Variants in PCNT observed in about 807,000 individuals in gnomAD.
The protein encoded by PCNT is kendrin.
In PCNT, 319 loss-of-function variants were observed where a neutral mutation model predicts 380.4. That is an observed-to-expected ratio of 0.84 (90% CI 0.77 to 0.92). The LOEUF (loss-of-function observed/expected upper bound fraction) is 0.92. Among genes scored for constraint, PCNT ranks in the 40% least tolerant of loss-of-function variants. The pLI is 0.00. For synonymous variants in PCNT, 1,845 were observed against 1,735.2 expected (o/e 1.06, Z -1.57); for missense variants, 4,400 against 4,255.3 (o/e 1.03, Z -0.95).
chr21:46,395,120 C>T (rs2086164515), intron 21 of PCNT, among the ~76,000 whole-genome samples: 2 of 152,332 alleles, frequency 1.3e-5, no homozygotes, highest in Middle Eastern at 6.8e-3. Flanking sequence ...ATGTTTACAG[C>T]GGACTCGCCG....
At chr21:46,418,631 A>T (rs938725307) in intron 31 of PCNT, among the ~76,000 whole-genome samples, 3 of 152,194 alleles carry the variant, frequency 2.0e-5, no homozygotes, top group African/African-American at 7.2e-5. Context: ...TGGAAAAGAC[A>T]CCCCAGCTCA....
intron 13 of PCNT, among the ~76,000 whole-genome samples, chr21:46,360,980 T>C (rs1023698254): frequency 6.6e-6 from 1 of 152,240 alleles, no homozygotes; most frequent in Non-Finnish European, 1.5e-5. Flanking sequence ...TGCTTTTTCT[T>C]TTTTCTTGTG....
At chr21:46,377,561 A>G (rs995702626) in intron 15 of PCNT, among the ~76,000 whole-genome samples, 1 of 152,190 alleles carries the variant, frequency 6.6e-6, no homozygotes, top group Admixed American at 6.5e-5. Flanking sequence ...AGTTTATTCT[A>G]AAATATTTCA....
At chr21:46,386,439 A>T (rs9981445) in intron 17 of PCNT, among the ~76,000 whole-genome samples, 1 of 152,080 alleles carries the variant, frequency 6.6e-6, no homozygotes, top group Non-Finnish European at 1.5e-5. Flanking sequence ...AGACCGGCCC[A>T]AGCAGGGGCC....
At chr21:46,385,032 T>G (rs1000807981) in intron 16 of PCNT, among the ~76,000 whole-genome samples, 4 of 152,206 alleles carry the variant, frequency 2.6e-5, no homozygotes, top group African/African-American at 9.7e-5. Context: ...CTTGCAAAAC[T>G]GAACTCTGTC....
At chr21:46,427,908 C>A in intron 34 of PCNT, 113 bp downstream of exon 34, 1 of 1,190,232 alleles carries the variant, frequency 8.4e-7, no homozygotes, top group Non-Finnish European at 1.2e-6. Flanking sequence ...TTTCTCTCGA[C>A]CGCTGGAATG....
intron 21 of PCNT, among the ~76,000 whole-genome samples, chr21:46,391,940 G>T (rs74966935): frequency 0.023 from 3,464 of 152,322 alleles, 64 homozygotes; most frequent in Non-Finnish European, 0.034. Flanking sequence ...TCTCAGGCAC[G>T]TGGGAGGCAG....
At position 46,445,624 on chromosome 21, in the gene PCNT, T is replaced by G. The variant is rs2053732157; in HGVS notation, c.*297T>G. 4.6e-6 allele frequency: 2 copies of G among 434,526 alleles called. No homozygotes were observed. The highest frequency in any genetic ancestry group is 8.2e-6 in the Non-Finnish European group (2 of 243,480). 26.9% of individuals were successfully genotyped at this position (434,526 alleles called of 1,614,324 possible). A position where few individuals can be genotyped will look rare whatever the true frequency, so the allele number is the denominator to read the frequency against. ...GTGTGCCTATCGGCAGATCCATCCTTCCTGCCTCCAAGGAGGATACACAGA... is the reference window on the plus strand; with the variant it reads ...GTGTGCCTATCGGCAGATCCATCCTGCCTGCCTCCAAGGAGGATACACAGA... On this transcript the variant is annotated 3_prime_UTR_variant, in exon 47 of 47. Coordinates refer to ENST00000359568, the MANE Select transcript of PCNT (RefSeq NM_006031.6).
chr21:46,354,923 G>T (rs759151419), intron 11 of PCNT, among the ~76,000 whole-genome samples: 3 of 152,198 alleles, frequency 2.0e-5, no homozygotes. Flanking sequence ...ACCTTCCCAC[G>T]AGCAGGCCTT....
At chr21:46,428,655 G>A in intron 35 of PCNT, 65 bp downstream of exon 35, 1 of 1,396,700 alleles carries the variant, frequency 7.2e-7, no homozygotes, top group Non-Finnish European at 9.8e-7. Context: ...ACACTCACCT[G>A]TGTGGCCTTG....
At chr21:46,360,711 G>A (rs1304628276) in intron 13 of PCNT, among the ~76,000 whole-genome samples, 1 of 150,638 alleles carries the variant, frequency 6.6e-6, no homozygotes, top group Non-Finnish European at 1.5e-5. Context: ...GTAGAGACGG[G>A]GTTTCACCAT....
intron 15 of PCNT, among the ~76,000 whole-genome samples, chr21:46,371,369 C>T (rs1484349351): frequency 2.6e-5 from 4 of 152,060 alleles, no homozygotes; most frequent in Non-Finnish European, 4.4e-5. Flanking sequence ...GCCACCACGC[C>T]TCGCTAATTT....
In PCNT at chr21:46,334,464, A is replaced by G. The variant is rs142831129; in HGVS notation, c.335A>G (p.His112Arg). Residue 112 changes from histidine (H) to arginine (R), a missense_variant, in exon 3 of 47, where the codon CAT becomes CGT. Transcript: ENST00000359568. ...EQLQQKQVNDHPPEQCGMFTV... is the reference protein window; with the variant it reads ...EQLQQKQVNDRPPEQCGMFTV... Reference sequence around the variant, plus strand: ...CTGCAGCAGAAGCAAGTCAATGACCATCCTCCAGAGCAGTGTGGGATGTTC... The same window carrying G: ...CTGCAGCAGAAGCAAGTCAATGACCGTCCTCCAGAGCAGTGTGGGATGTTC... The G allele has an allele frequency of 9.9e-6, 16 of 1,614,230 alleles. No homozygotes were observed. The highest frequency in any genetic ancestry group is 1.7e-5 in the Admixed American group (1 of 60,018).
At chr21:46,410,660 A>C (rs969098394) in intron 27 of PCNT, among the ~76,000 whole-genome samples, 6 of 152,232 alleles carry the variant, frequency 3.9e-5, no homozygotes, top group African/African-American at 2.4e-5. Context: ...TGGCACAAGT[A>C]AACTCACTTC....
chr21:46,436,069 C>G lies in PCNT; in HGVS notation c.8917C>G (p.Arg2973Gly). The G allele has an allele frequency of 6.2e-7, 1 of 1,613,394 alleles. No homozygotes were observed. The highest frequency in any genetic ancestry group is 8.5e-7 in the Non-Finnish European group (1 of 1,179,950). Residue 2973 changes from arginine to glycine, a missense_variant, in exon 39 of 47, where the codon CGA becomes GGA. Arg to Gly is a moderately radical substitution (Grantham distance 125). Coordinates refer to ENST00000359568, the MANE Select transcript of PCNT (RefSeq NM_006031.6). The part of the protein sequence containing the change: ...SDADHLREQQ[R>G]ELEAMRQRLL... ...TGCGGACCACCTCCGGGAACAGCAG[C>G]GAGAGCTGGAGGCGATGAGGCAGCG... is the stretch of plus-strand genomic sequence containing the variant.
rs111976123 is a variant in PCNT, at chr21:46,444,859, T to G, written c.9967+38T>G. ...CTCGCCGAGTATTTATTAAGCTGAT[T>G]ATCACTGTACCCTGGAAACGTAGGG... is the stretch of plus-strand genomic sequence containing the variant. On this transcript the variant is annotated intron_variant, in intron 46 of 46. Coordinates refer to ENST00000359568, the MANE Select transcript of PCNT (RefSeq NM_006031.6). 300 of 1,601,764 alleles carry G rather than the reference T, an allele frequency of 1.9e-4. No individual in the cohort carries two copies. In the African/African-American group the frequency reaches 3.5e-3, roughly 19 times the overall value.
At chr21:46,373,521 T>G (rs1184177416) in intron 15 of PCNT, among the ~76,000 whole-genome samples, 2 of 121,046 alleles carry the variant, frequency 1.7e-5, no homozygotes, top group Non-Finnish European at 3.4e-5. Flanking sequence ...AACCTCTGCC[T>G]CCCTGGTTCA....
Position 46,391,316 on chromosome 21 carries a change from T to C in PCNT, c.4156T>C (p.Cys1386Arg). The C allele has an allele frequency of 6.4e-7, 1 of 1,563,586 alleles. No individual in the cohort carries two copies. The highest frequency in any genetic ancestry group is 8.7e-7 in the Non-Finnish European group (1 of 1,154,128). The change falls in exon 21 of 47, where the codon TGC (cysteine) becomes CGC (arginine). Residue 1386 changes from cysteine to arginine, a missense_variant. Coordinates refer to ENST00000359568, the MANE Select transcript of PCNT (RefSeq NM_006031.6). ...AQEQAALREE[C>R]TRLWSRGEAT... ...GGAGCAGGCGGCGCTGAGGGAGGAGTGCACCCGTCTGTGGAGTCGGGGGGA... is the reference window on the plus strand; with the variant it reads ...GGAGCAGGCGGCGCTGAGGGAGGAGCGCACCCGTCTGTGGAGTCGGGGGGA...
intron 41 of PCNT, among the ~76,000 whole-genome samples, chr21:46,439,056 ATTTT>A (rs1350531940): frequency 2.0e-5 from 3 of 151,828 alleles, no homozygotes; most frequent in Admixed American, 6.6e-5. Context: ...TATTTAGGCT[ATTTT>A]GTTTGTGATT....
Sources: gnomAD v4.1 joint callset for allele counts (sites outside exome capture counted in the v4.1 genomes callset) on GRCh38, gnomAD v4.1.1 for gene constraint, MANE v1.5 for transcripts, NCBI Gene and HGNC (gene_info 2026-07-23, HGNC 2026-07-21) for gene names.